The following SCNN1G variants were observed in gnomAD, a reference collection of about 807,000 sequenced individuals.
SCNN1G encodes the protein epithelial sodium channel subunit gamma.
SCNN1G carries 27 observed loss-of-function variants against 64.6 expected under a neutral mutation model. That is an observed-to-expected ratio of 0.42 (90% CI 0.31 to 0.58). SCNN1G has a LOEUF of 0.58. Among genes scored for constraint, SCNN1G ranks in the 20% least tolerant of loss-of-function variants. The probability of loss-of-function intolerance (pLI) is 0.18; values close to 1 mark genes in which losing one functional copy is unlikely to be tolerated. For synonymous variants in SCNN1G, 330 were observed against 314.2 expected (o/e 1.05, Z -0.53); for missense variants, 743 against 823.4 (o/e 0.90, Z 1.19).
chr16:23,208,761 A>G (rs1215096579), intron 6 of SCNN1G, among the ~76,000 whole-genome samples: 1 of 146,274 alleles, frequency 6.8e-6, no homozygotes, highest in Admixed American at 7.0e-5. Context: ...TTTTCAAAAT[A>G]GGGTCTTCCT....
intron 6 of SCNN1G, among the ~76,000 whole-genome samples, chr16:23,198,140 A>G (rs2141935235): frequency 6.6e-6 from 1 of 152,174 alleles, no homozygotes; most frequent in South Asian, 2.1e-4. Flanking sequence ...AGCCCATTAC[A>G]CTCCTGTCAA....
intron 6 of SCNN1G, among the ~76,000 whole-genome samples, chr16:23,207,629 G>A (rs1363859660): frequency 6.6e-6 from 1 of 152,234 alleles, no homozygotes. Flanking sequence ...CTGTCTGTCT[G>A]AGATGCAAGA....
In SCNN1G at chr16:23,215,637, G is replaced by A. The variant is rs1960149190; in HGVS notation, c.*168G>A. 29 of 716,120 alleles carry A rather than the reference G, an allele frequency of 4.0e-5. No individual in the cohort carries two copies. Among genetic ancestry groups the A allele is most frequent in the Admixed American group, 1.8e-4 (8 of 43,862 alleles). The allele number at this position is 716,120 out of a possible 1,614,324, so 44.4% of individuals were successfully genotyped here. A position where few individuals can be genotyped will look rare whatever the true frequency, so the allele number is the denominator to read the frequency against. On this transcript the variant is annotated 3_prime_UTR_variant, in exon 13 of 13. Coordinates refer to ENST00000300061, the MANE Select transcript of SCNN1G (RefSeq NM_001039.4). ...ACCGCAAGATGGGGCCTGGGCATGCGCAGGAGGAGCCATCGGGTACTACGC... is the reference window on the plus strand; with the variant it reads ...ACCGCAAGATGGGGCCTGGGCATGCACAGGAGGAGCCATCGGGTACTACGC...
At chr16:23,189,331 C>T (rs373051532) in intron 2 of SCNN1G, 40 bp from the exon 3 acceptor site, 88 of 1,601,768 alleles carry the variant, frequency 5.5e-5, no homozygotes, top group African/African-American at 4.7e-4. Context: ...CTGCCAGGGC[C>T]GCCTCCCCTC....
intron 6 of SCNN1G, among the ~76,000 whole-genome samples, chr16:23,209,338 G>A (rs957451000): frequency 3.3e-5 from 5 of 152,092 alleles, no homozygotes; most frequent in Admixed American, 1.3e-4. Flanking sequence ...GCAGTTCCAC[G>A]CTAAGCCAAC....
At chr16:23,211,083 CAT>C (rs1960071718) in intron 7 of SCNN1G, among the ~76,000 whole-genome samples, 1 of 152,138 alleles carries the variant, frequency 6.6e-6, no homozygotes, top group African/African-American at 2.4e-5. Flanking sequence ...TTCTGGATGA[CAT>C]TTAGTGAGAA....
At chr16:23,200,201 A>G (rs941905376) in intron 6 of SCNN1G, among the ~76,000 whole-genome samples, 2 of 152,110 alleles carry the variant, frequency 1.3e-5, no homozygotes, top group Non-Finnish European at 1.5e-5. Flanking sequence ...GAGCCCAAGG[A>G]TCTATATTTT....
chr16:23,215,240 C>A lies in SCNN1G; in HGVS notation c.1721C>A (p.Ala574Asp). Residue 574 changes from alanine to aspartate, a missense_variant, in exon 13 of 13, where the codon GCC becomes GAC. Ala to Asp is a moderately radical substitution (Grantham distance 126, BLOSUM62 -2). Transcript: ENST00000300061. ...TGGCAGAAAGCCAAGGAGTGGTGGG[C>A]CTGGAAACAGGCTCCCCCATGTCCA... Reference protein sequence around the residue: ...RQWQKAKEWWAWKQAPPCPEA... With the variant: ...RQWQKAKEWWDWKQAPPCPEA... 1 of 1,614,144 alleles carries A rather than the reference C, an allele frequency of 6.2e-7. No individual in the cohort carries two copies. Among genetic ancestry groups the A allele is most frequent in the Non-Finnish European group, 8.5e-7 (1 of 1,180,028 alleles).
rs1959675705 is a variant in SCNN1G at position 23,189,748 on chromosome 16, A to G, written c.618+77A>G. On this transcript the variant is annotated intron_variant, in intron 3 of 12. Transcript: ENST00000300061. ...GGGTCCAGGACTCTTCTCCTTGACC[A>G]CTAGCCCCTGTGGTCCAACTGGAAG... 15 of 1,368,646 alleles carry G rather than the reference A, an allele frequency of 1.1e-5. 1 individual carries two copies. Among genetic ancestry groups the G allele is most frequent in the Middle Eastern group, 1.8e-4 (1 of 5,598 alleles). 84.8% of individuals were successfully genotyped at this position (1,368,646 alleles called of 1,614,324 possible). A position where few individuals can be genotyped will look rare whatever the true frequency, so the allele number is the denominator to read the frequency against.
At chr16:23,185,108 G>T (rs1335682033) in intron 1 of SCNN1G, among the ~76,000 whole-genome samples, 1 of 152,186 alleles carries the variant, frequency 6.6e-6, no homozygotes, top group African/African-American at 2.4e-5. Flanking sequence ...TAGCGGTGAA[G>T]GCTGCAGGGT....
chr16:23,211,536 G>T (rs1813387743), intron 7 of SCNN1G, among the ~76,000 whole-genome samples: 1 of 152,186 alleles, frequency 6.6e-6, no homozygotes, highest in Non-Finnish European at 1.5e-5. Flanking sequence ...ACATCGGCCA[G>T]GTGTGGCTCA....
Position 23,202,614 on chromosome 16 carries a change from A to G in SCNN1G, c.1077+5187A>G, listed in dbSNP as rs113570744. 3.3e-5 allele frequency among the ~76,000 whole-genome samples: 5 copies of G among 152,338 alleles called. 1 individual carries two copies. The highest frequency in any genetic ancestry group is 1.2e-4 in the African/African-American group (5 of 41,574). ...ACAATCAGTACACTGGAGACAGCAC[A>G]TTTGTAGTAATTCTAGAAAGAAATG... is the stretch of plus-strand genomic sequence containing the variant. On this transcript the variant is annotated intron_variant, in intron 6 of 12. Coordinates refer to ENST00000300061, the MANE Select transcript of SCNN1G (RefSeq NM_001039.4).
chr16:23,194,241 A>G lies in SCNN1G; in HGVS notation c.880A>G (p.Ile294Val), dbSNP rs1959758864. 1 of 1,613,726 alleles carries G rather than the reference A, an allele frequency of 6.2e-7. No homozygotes were observed. Among genetic ancestry groups the G allele is most frequent in the East Asian group, 2.2e-5 (1 of 44,878 alleles). Reference sequence around the variant, plus strand: ...TTTCAACAACAGAGAAAATGAGACCATTCTCAGCACCTCCATGGGGGGCAG... The same window carrying G: ...TTTCAACAACAGAGAAAATGAGACCGTTCTCAGCACCTCCATGGGGGGCAG... ...YTFNNRENET[I>V]LSTSMGGSEY... The change falls in exon 5 of 13, where the codon ATT (isoleucine) becomes GTT (valine). Residue 294 changes from isoleucine to valine, a missense_variant. Ile to Val is a conservative substitution (Grantham distance 29). Transcript: ENST00000300061.
In SCNN1G at chr16:23,189,319, T is replaced by G. The variant is rs1596762837; in HGVS notation, c.318-52T>G. On this transcript the variant is annotated intron_variant, in intron 2 of 12. Transcript: ENST00000300061. The stretch of plus-strand genomic sequence containing the variant: ...AAAACAGCCTGGAGGAGCACCAGAG[T>G]TCTGCCAGGGCCGCCTCCCCTCTCC... 1.9e-6 allele frequency: 3 copies of G among 1,580,332 alleles called. No homozygotes were observed. In the East Asian group the frequency reaches 6.7e-5, roughly 35 times the overall value.
At position 23,186,438 on chromosome 16, in the gene SCNN1G, G is replaced by A; in HGVS notation, c.167G>A (p.Trp56Ter). The change falls in exon 2 of 13, where the codon TGG (tryptophan) becomes TAG (stop). Residue 56 changes from tryptophan (W) to a stop codon, truncating the protein, a stop_gained. Coordinates refer to ENST00000300061, the MANE Select transcript of SCNN1G (RefSeq NM_001039.4). LOFTEE classifies it high-confidence loss of function. ...VSRGRLRRLL[W>*]IGFTLTAVAL... The stretch of plus-strand genomic sequence containing the variant: ...CGCGGCCGTCTGCGCCGCCTCCTCT[G>A]GATCGGGTTCACACTGACTGCCGTG... 6.2e-7 allele frequency: 1 copy of A among 1,614,208 alleles called. No individual in the cohort carries two copies. Among genetic ancestry groups the A allele is most frequent in the Non-Finnish European group, 8.5e-7 (1 of 1,180,052 alleles).
rs1960140855 is a variant in SCNN1G, at chr16:23,215,217, G to A, written c.1698G>A (p.Trp566Ter). ...TCTCTATCATTGCCCGCCGCCAGTGGCAGAAAGCCAAGGAGTGGTGGGCCT... is the reference window on the plus strand; with the variant it reads ...TCTCTATCATTGCCCGCCGCCAGTGACAGAAAGCCAAGGAGTGGTGGGCCT... ...DFFSIIARRQWQKAKEWWAWK... is the reference protein window; with the variant it reads ...DFFSIIARRQ The change falls in exon 13 of 13, where the codon TGG becomes TGA. Residue 566 changes from tryptophan to a stop codon, truncating the protein, a stop_gained. Transcript: ENST00000300061. LOFTEE classifies it low-confidence loss of function (END_TRUNC). The A allele has an allele frequency of 1.2e-6, 2 of 1,614,134 alleles. No homozygotes were observed. Among genetic ancestry groups the A allele is most frequent in the South Asian group, 1.1e-5 (1 of 91,072 alleles).
At chr16:23,195,900 C>A (rs1342223557) in intron 5 of SCNN1G, 2 of 152,162 alleles carry the variant, frequency 1.3e-5, no homozygotes, top group African/African-American at 4.8e-5. Context: ...CCATATAGAC[C>A]CTGCTGATTC....
In SCNN1G at chr16:23,183,500, G is replaced by A. The variant is rs143710796; in HGVS notation, c.-45+687G>A. On this transcript the variant is annotated intron_variant, in intron 1 of 12. Transcript: ENST00000300061. ...ATCCCTCTCCAAGCTTTGGGGTCCTGCACTGTGGGATGGGGGACAGGCAAA... is the reference window on the plus strand; with the variant it reads ...ATCCCTCTCCAAGCTTTGGGGTCCTACACTGTGGGATGGGGGACAGGCAAA... 1.1e-3 allele frequency among the ~76,000 whole-genome samples: 161 copies of A among 152,334 alleles called. 1 individual carries two copies. Among genetic ancestry groups the A allele is most frequent in the African/African-American group, 3.5e-3 (145 of 41,578 alleles).
intron 6 of SCNN1G, among the ~76,000 whole-genome samples, chr16:23,201,691 T>C (rs1959892159): frequency 6.6e-6 from 1 of 152,202 alleles, no homozygotes; most frequent in African/African-American, 2.4e-5. Context: ...GCCAGGCAGT[T>C]GGTAAACAAA....
Sources: gnomAD v4.1 joint callset for allele counts (sites outside exome capture counted in the v4.1 genomes callset) on GRCh38, gnomAD v4.1.1 for gene constraint, MANE v1.5 for transcripts, NCBI Gene and HGNC (gene_info 2026-07-23, HGNC 2026-07-21) for gene names.